AGBL4: variants seen among roughly 807,000 people sequenced by gnomAD.
AGBL4 encodes the protein AGBL carboxypeptidase 4, also known as cytosolic carboxypeptidase 6.
Under a neutral mutation model 66.4 loss-of-function variants are expected in AGBL4, and 58 were observed. The observed-to-expected ratio is 0.87, with a 90% CI of 0.71 to 1.09. AGBL4 has a LOEUF of 1.09. Among genes scored for constraint, AGBL4 ranks in the 50% least tolerant of loss-of-function variants. The pLI, the probability that AGBL4 is intolerant of heterozygous loss-of-function variation, is 0.00. For synonymous variants in AGBL4, 234 were observed against 222.9 expected, an observed-to-expected ratio of 1.05 and a Z score of -0.44; for missense variants, 579 against 631.0, an observed-to-expected ratio of 0.92 and a Z score of 0.88.
At chr1:48,845,079 A>G (rs1473503489) in intron 6 of AGBL4, among the ~76,000 whole-genome samples, 1 of 152,228 alleles carries the variant, frequency 6.6e-6, no homozygotes, top group Non-Finnish European at 1.5e-5. Flanking sequence ...ACCAGTCCCA[A>G]GGAGAGGCAG....
chr1:49,293,146 G>T (rs1475301574), intron 3 of AGBL4, among the ~76,000 whole-genome samples: 1 of 152,210 alleles, frequency 6.6e-6, no homozygotes, highest in Non-Finnish European at 1.5e-5. Context: ...TGTTGTGCCT[G>T]GTCCAGCCAC....
chr1:48,904,832 A>C (rs914335933), intron 5 of AGBL4, among the ~76,000 whole-genome samples: 1 of 152,140 alleles, frequency 6.6e-6, no homozygotes, highest in Admixed American at 6.5e-5. Context: ...ACATAGAAAA[A>C]CTTCAATGCA....
At chr1:49,829,650 A>G (rs981930500) in intron 2 of AGBL4, among the ~76,000 whole-genome samples, 1 of 152,150 alleles carries the variant, frequency 6.6e-6, no homozygotes, top group Non-Finnish European at 1.5e-5. Context: ...AAGTTCCGGA[A>G]AACATGTGCG....
At chr1:49,356,856 A>T (rs142721254) in intron 3 of AGBL4, among the ~76,000 whole-genome samples, 1 of 152,310 alleles carries the variant, frequency 6.6e-6, no homozygotes, top group Non-Finnish European at 1.5e-5. Context: ...TAGAATAACC[A>T]CTTCCTAACC....
chr1:49,556,628 G>A (rs1053164862), intron 3 of AGBL4, among the ~76,000 whole-genome samples: 2 of 152,028 alleles, frequency 1.3e-5, no homozygotes, highest in African/African-American at 4.8e-5. Flanking sequence ...ACCCGACTCA[G>A]GAGCCCAGCT....
chr1:50,020,369 T>A (rs1253396599), intron 1 of AGBL4, among the ~76,000 whole-genome samples: 1 of 152,092 alleles, frequency 6.6e-6, no homozygotes, highest in Non-Finnish European at 1.5e-5. Flanking sequence ...AAGTATATGA[T>A]CTCTAATATT....
At chr1:49,626,973 G>C (rs1423993167) in intron 3 of AGBL4, among the ~76,000 whole-genome samples, 1 of 152,112 alleles carries the variant, frequency 6.6e-6, no homozygotes, top group African/African-American at 2.4e-5. Context: ...ACATTACCAG[G>C]AGGTACTACA....
intron 4 of AGBL4, among the ~76,000 whole-genome samples, chr1:49,144,029 A>C (rs1646167809): frequency 6.6e-6 from 1 of 152,214 alleles, no homozygotes; most frequent in Non-Finnish European, 1.5e-5. Flanking sequence ...ATTGTCTCAT[A>C]AGTTCTCTGA....
chr1:49,260,530 C>T (rs1178365116), intron 3 of AGBL4, among the ~76,000 whole-genome samples: 1 of 152,152 alleles, frequency 6.6e-6, no homozygotes, highest in Non-Finnish European at 1.5e-5. Flanking sequence ...CTACAAACAC[C>T]TCTACACAAA....
intron 5 of AGBL4, among the ~76,000 whole-genome samples, chr1:48,888,411 A>G (rs781440733): frequency 3.0e-4 from 46 of 151,772 alleles, no homozygotes; most frequent in Non-Finnish European, 5.7e-4. Flanking sequence ...TGCCCCTTTC[A>G]CCCACTTCCT....
chr1:48,976,477 T>C (rs1925424), intron 5 of AGBL4, among the ~76,000 whole-genome samples: 97,103 of 152,030 alleles, frequency 0.64, 31,437 homozygotes, highest in African/African-American at 0.72. Context: ...CGCTGGAAAG[T>C]GCATTTATTA....
At chr1:48,685,181 T>A (rs1646512877) in intron 6 of AGBL4, among the ~76,000 whole-genome samples, 1 of 152,252 alleles carries the variant, frequency 6.6e-6, no homozygotes, top group Admixed American at 6.5e-5. Flanking sequence ...ATTTTTCAAA[T>A]TTGAATCAGT....
At chr1:49,645,076 T>A (rs937703945) in intron 3 of AGBL4, among the ~76,000 whole-genome samples, 3 of 151,530 alleles carry the variant, frequency 2.0e-5, no homozygotes, top group African/African-American at 7.2e-5. Flanking sequence ...TATTTTGAAC[T>A]AAACAGAAAT....
intron 4 of AGBL4, among the ~76,000 whole-genome samples, chr1:49,128,068 T>C (rs1277032607): frequency 6.6e-6 from 1 of 151,984 alleles, no homozygotes; most frequent in Non-Finnish European, 1.5e-5. Context: ...GCAATTATAA[T>C]TATGTCAGGT....
At chr1:49,607,261 A>T (rs1450065883) in intron 3 of AGBL4, among the ~76,000 whole-genome samples, 1 of 152,100 alleles carries the variant, frequency 6.6e-6, no homozygotes, top group African/African-American at 2.4e-5. Flanking sequence ...ATCCAGCTTT[A>T]TTTGGCTAAA....
intron 5 of AGBL4, among the ~76,000 whole-genome samples, chr1:48,891,900 A>G (rs1651010090): frequency 6.6e-6 from 1 of 152,176 alleles, no homozygotes. Context: ...CCTAGGAATT[A>G]ATAGCTTATG....
At chr1:48,762,533 C>T (rs1352125165) in intron 6 of AGBL4, among the ~76,000 whole-genome samples, 2 of 151,886 alleles carry the variant, frequency 1.3e-5, no homozygotes, top group African/African-American at 4.8e-5. Flanking sequence ...TGGTGTATCC[C>T]AAATGCGTTT....
Position 48,736,448 on chromosome 1 carries a change from T to C in AGBL4, c.635-73207A>G, listed in dbSNP as rs780217804. ...ATCAACCCAAATCCCGCTTCCCAGA[T>C]GGACCTGAGAGGAATAAGAACACCA... On this transcript the variant is annotated intron_variant, in intron 6 of 13. Coordinates refer to ENST00000371839, the MANE Select transcript of AGBL4 (RefSeq NM_032785.4). This position sits in a 1 kb window ranked among gnomAD's most constrained non-coding sequence, Gnocchi z 4.0. The C allele has an allele frequency of 6.2e-7, 1 of 1,614,096 alleles. No individual in the cohort carries two copies. The highest frequency in any genetic ancestry group is 8.5e-7 in the Non-Finnish European group (1 of 1,179,986).
At position 48,533,118 on chromosome 1, in the gene AGBL4, C is replaced by T. The variant is rs996958354; in HGVS notation, c.*1055G>A. ...TAAGGGATTTTCCTCCCTGGAGCCT[C>T]CCTTCCTCTCCCTGTGTTCTAATCC... is the stretch of plus-strand genomic sequence containing the variant. On this transcript the variant is annotated 3_prime_UTR_variant, in exon 14 of 14. Transcript: ENST00000371839. 1.3e-5 allele frequency: 2 copies of T among 152,250 alleles called. No individual in the cohort carries two copies. The highest frequency in any genetic ancestry group is 2.9e-5 in the Non-Finnish European group (2 of 68,100). 9.4% of individuals were successfully genotyped at this position (152,250 alleles called of 1,614,324 possible). A position where few individuals can be genotyped will look rare whatever the true frequency, so the allele number is the denominator to read the frequency against.
Sources: gnomAD v4.1 joint callset for allele counts (sites outside exome capture counted in the v4.1 genomes callset) on GRCh38, gnomAD v4.1.1 for gene constraint, Gnocchi (gnomAD v3.1) non-coding constraint, MANE v1.5 for transcripts, NCBI Gene and HGNC (gene_info 2026-07-23, HGNC 2026-07-21) for gene names.